Variants in NPDC1 observed in about 807,000 individuals in gnomAD.
The protein encoded by NPDC1 is neural proliferation differentiation and control protein 1.
NPDC1 carries 18 observed loss-of-function variants against 32.5 expected under a neutral mutation model. That is an observed-to-expected ratio of 0.55 (90% CI 0.38 to 0.82). The LOEUF (loss-of-function observed/expected upper bound fraction) is 0.82. Among genes scored for constraint, NPDC1 ranks in the 40% least tolerant of loss-of-function variants. The pLI, the probability that NPDC1 is intolerant of heterozygous loss-of-function variation, is 0.00. For synonymous variants in NPDC1, 210 were observed against 184.7 expected, an observed-to-expected ratio of 1.14 and a Z score of -1.11; for missense variants, 468 against 406.6, an observed-to-expected ratio of 1.15 and a Z score of -1.30.
intron 1 of NPDC1, 136 bp from the exon 2 acceptor site, chr9:137,043,209 C>T (rs1433209501): frequency 4.1e-6 from 4 of 981,652 alleles, no homozygotes; most frequent in Middle Eastern, 2.0e-4. Flanking sequence ...TTGTTCTGGA[C>T]ATGCCCTTCC....
chr9:137,043,557 C>G, intron 1 of NPDC1: 1 of 594,568 alleles, frequency 1.7e-6, no homozygotes, highest in South Asian at 2.1e-5. Flanking sequence ...CCGGCACTGA[C>G]AAGTGTGCAG....
intron 1 of NPDC1, among the ~76,000 whole-genome samples, chr9:137,044,674 G>C (rs1832104697): frequency 6.6e-6 from 1 of 152,234 alleles, no homozygotes; most frequent in Non-Finnish European, 1.5e-5. Context: ...GTTGCCTAGG[G>C]AGGGCCCTGC....
chr9:137,040,138 ACTCAGCCCAC>A (rs1393795326), intron 7 of NPDC1, 71 bp from the exon 8 acceptor site: 6 of 731,134 alleles, frequency 8.2e-6, no homozygotes, highest in Non-Finnish European at 1.5e-5. Flanking sequence ...GGAAGTGGGC[ACTCAGCCCAC>A]CTCAGCCCTG....
chr9:137,045,344 A>G (rs1028793368), intron 1 of NPDC1, among the ~76,000 whole-genome samples: 4 of 152,246 alleles, frequency 2.6e-5, no homozygotes, highest in Admixed American at 6.5e-5. Context: ...AGCCTGCGCC[A>G]TAAGTGCCCC....
At chr9:137,041,041 C>T in intron 3 of NPDC1, 21 bp downstream of exon 3, 9 of 1,518,786 alleles carry the variant, frequency 5.9e-6, no homozygotes, top group Non-Finnish European at 7.9e-6. Context: ...GGCCGTGGGG[C>T]AGGGGAAGCG....
Position 137,039,592 on chromosome 9 carries a change from G to C in NPDC1, c.*180C>G. ...CGAACAGGAGAGGTGCAGGGGACCA[G>C]GAGGTGTCCTGGCACAAAGGTTCGG... On this transcript the variant is annotated 3_prime_UTR_variant, in exon 9 of 9. Transcript: ENST00000371601. The C allele has an allele frequency of 5.1e-6, 3 of 583,480 alleles. No individual in the cohort carries two copies. Among genetic ancestry groups the C allele is most frequent in the South Asian group, 4.3e-5 (2 of 46,712 alleles). The allele number at this position is 583,480 out of a possible 1,614,324, so 36.1% of individuals were successfully genotyped here.
At chr9:137,041,820 C>G (rs1832060632) in intron 2 of NPDC1, among the ~76,000 whole-genome samples, 1 of 152,266 alleles carries the variant, frequency 6.6e-6, no homozygotes, top group South Asian at 2.1e-4. Context: ...CTCACCACAC[C>G]TGAAGTCACT....
Position 137,040,051 on chromosome 9 carries a change from T to C in NPDC1, c.805A>G (p.Lys269Glu). The C allele has an allele frequency of 1.3e-6, 1 of 765,286 alleles. No homozygotes were observed. The highest frequency in any genetic ancestry group is 1.3e-5 in the South Asian group (1 of 74,386). 47.4% of individuals were successfully genotyped at this position (765,286 alleles called of 1,614,324 possible). Residue 269 changes from lysine to glutamate, a missense_variant, in exon 8 of 9, where the codon AAG becomes GAG. Physicochemically the swap from Lys to Glu is moderately conservative, Grantham distance 56. Transcript: ENST00000371601. The part of the protein sequence containing the change: ...LCLERHKEPP[K>E]ELDTASSDEE... The stretch of plus-strand genomic sequence containing the variant: ...TCCGAGGAGGCCGTGTCCAGCTCCT[T>C]GGGTGGCTCTTTATGCCTGGGTGGG...
chr9:137,043,493 GC>G, intron 1 of NPDC1: 1 of 611,432 alleles, frequency 1.6e-6, no homozygotes, highest in Non-Finnish European at 3.0e-6. Flanking sequence ...TCTCTGGGGA[GC>G]AGCAAACGAT....
At position 137,042,923 on chromosome 9, in the gene NPDC1, G is replaced by A. The variant is rs1326932880; in HGVS notation, c.259+4C>T. The A allele has an allele frequency of 8.8e-6, 14 of 1,590,644 alleles. No homozygotes were observed. Among genetic ancestry groups the A allele is most frequent in the South Asian group, 2.2e-5 (2 of 89,594 alleles). Reference sequence around the variant, plus strand: ...CCCATCGACTTCCCCCTTTGCTCTCGTACCTGGAGGCCGGCGCATCCTGGG... The same window carrying A: ...CCCATCGACTTCCCCCTTTGCTCTCATACCTGGAGGCCGGCGCATCCTGGG... On this transcript the variant is annotated splice_donor_region_variant and intron_variant, in intron 2 of 8. Transcript: ENST00000371601.
chr9:137,046,155 C>T lies in NPDC1; in HGVS notation c.-166G>A. ...GGAAGAGGAAAGGCACGGGCGGCGG[C>T]GCTGACGCTGCAGCAAGGATCCGGG... On this transcript the variant is annotated 5_prime_UTR_variant, in exon 1 of 9. Coordinates refer to ENST00000371601, the MANE Select transcript of NPDC1 (RefSeq NM_015392.4). 1 of 1,098,410 alleles carries T rather than the reference C, an allele frequency of 9.1e-7. No homozygotes were observed. The allele number at this position is 1,098,410 out of a possible 1,614,324, so 68.0% of individuals were successfully genotyped here. A position where few individuals can be genotyped will look rare whatever the true frequency, so the allele number is the denominator to read the frequency against.
chr9:137,041,145 A>T lies in NPDC1; in HGVS notation c.302T>A (p.Phe101Tyr). ...PQPRLEDEID[F>Y]LAQELARKES... Reference sequence around the variant, plus strand: ...CTTCCGGGCAAGCTCCTGGGCCAGGAAGTCAATCTCATCTTCCAGTCTGGG... The same window carrying T: ...CTTCCGGGCAAGCTCCTGGGCCAGGTAGTCAATCTCATCTTCCAGTCTGGG... Residue 101 changes from phenylalanine to tyrosine, a missense_variant, in exon 3 of 9, where the codon TTC becomes TAC. Transcript: ENST00000371601. The T allele has an allele frequency of 6.7e-7, 1 of 1,495,258 alleles. No individual in the cohort carries two copies. The highest frequency in any genetic ancestry group is 8.9e-7 in the Non-Finnish European group (1 of 1,123,448). 92.6% of individuals were successfully genotyped at this position (1,495,258 alleles called of 1,614,324 possible). A position where few individuals can be genotyped will look rare whatever the true frequency, so the allele number is the denominator to read the frequency against.
chr9:137,041,583 C>T (rs1020572551), intron 2 of NPDC1, among the ~76,000 whole-genome samples: 3 of 152,158 alleles, frequency 2.0e-5, no homozygotes, highest in Non-Finnish European at 4.4e-5. Context: ...GCCAAGCACC[C>T]GGGACCCCTC....
Position 137,040,687 on chromosome 9 carries a change from A to G in NPDC1, c.607T>C (p.Ser203Pro). 6.3e-7 allele frequency: 1 copy of G among 1,583,554 alleles called. No homozygotes were observed. The highest frequency in any genetic ancestry group is 8.5e-7 in the Non-Finnish European group (1 of 1,170,284). ...VAGAAALSVA[S>P]LCWCRLQREI... ...CTGGCTCACCTGCACCAGCAGAGGG[A>G]GGCTACGGAGAGGGCGGCTGCACCG... The change falls in exon 5 of 9, where the codon TCC (serine) becomes CCC (proline). Residue 203 changes from serine to proline, a missense_variant. Ser to Pro is a moderately conservative substitution (Grantham distance 74, BLOSUM62 -1). Coordinates refer to ENST00000371601, the MANE Select transcript of NPDC1 (RefSeq NM_015392.4).
At position 137,040,868 on chromosome 9, in the gene NPDC1, C is replaced by T; in HGVS notation, c.502G>A (p.Val168Met). The change falls in exon 4 of 9, where the codon GTG becomes ATG. Residue 168 changes from valine to methionine, a missense_variant. Physicochemically the swap from Val to Met is conservative, Grantham distance 21. Transcript: ENST00000371601. The part of the protein sequence containing the change: ...SLGSPVSSDP[V>M]HMSPLEPRGG... Reference sequence around the variant, plus strand: ...CGGGGCTCCAGGGGCGACATGTGCACCGGGTCGGATGACACAGGGGAGCCC... The same window carrying T: ...CGGGGCTCCAGGGGCGACATGTGCATCGGGTCGGATGACACAGGGGAGCCC... The T allele has an allele frequency of 1.3e-6, 2 of 1,599,410 alleles. No homozygotes were observed. The highest frequency in any genetic ancestry group is 1.7e-6 in the Non-Finnish European group (2 of 1,176,018).
intron 7 of NPDC1, 62 bp downstream of exon 7, chr9:137,040,295 G>C: frequency 6.9e-7 from 1 of 1,446,840 alleles, no homozygotes; most frequent in Non-Finnish European, 9.3e-7. Flanking sequence ...GGTGGAAATG[G>C]AGGTGGAGGT....
chr9:137,041,079 T>G lies in NPDC1; in HGVS notation c.368A>C (p.Gln123Pro). Residue 123 changes from glutamine to proline, a missense_variant, in exon 3 of 9, where the codon CAG becomes CCG. Transcript: ENST00000371601. ...GGTCTCACCAGGCTCCGGGAGCCGC[T>G]GTCGGTCCTTGGGTAGGGGCGGAGT... The part of the protein sequence containing the change: ...HSTPPLPKDR[Q>P]RLPEPATLGF... 1.3e-6 allele frequency: 2 copies of G among 1,526,080 alleles called. No homozygotes were observed. Among genetic ancestry groups the G allele is most frequent in the Non-Finnish European group, 1.8e-6 (2 of 1,138,900 alleles). 94.5% of individuals were successfully genotyped at this position (1,526,080 alleles called of 1,614,324 possible).
At position 137,041,078 on chromosome 9, in the gene NPDC1, C is replaced by T; in HGVS notation, c.369G>A (p.Gln123=). 6.6e-7 allele frequency: 1 copy of T among 1,525,848 alleles called. No individual in the cohort carries two copies. The highest frequency in any genetic ancestry group is 1.3e-5 in the South Asian group (1 of 76,680). The allele number at this position is 1,525,848 out of a possible 1,614,324, so 94.5% of individuals were successfully genotyped here. A position where few individuals can be genotyped will look rare whatever the true frequency, so the allele number is the denominator to read the frequency against. Residue 123 remains glutamine (Q), a synonymous_variant, in exon 3 of 9, where the codon CAG becomes CAA. Coordinates refer to ENST00000371601, the MANE Select transcript of NPDC1 (RefSeq NM_015392.4). ...HSTPPLPKDR[Q]RLPEPATLGF... ...GGGTCTCACCAGGCTCCGGGAGCCG[C>T]TGTCGGTCCTTGGGTAGGGGCGGAG...
At position 137,046,141 on chromosome 9, in the gene NPDC1, G is replaced by A. The variant is rs1832126931; in HGVS notation, c.-152C>T. 9.1e-7 allele frequency: 1 copy of A among 1,097,346 alleles called. No homozygotes were observed. Among genetic ancestry groups the A allele is most frequent in the Non-Finnish European group, 1.1e-6 (1 of 901,152 alleles). The allele number at this position is 1,097,346 out of a possible 1,614,324, so 68.0% of individuals were successfully genotyped here. A position where few individuals can be genotyped will look rare whatever the true frequency, so the allele number is the denominator to read the frequency against. On this transcript the variant is annotated 5_prime_UTR_variant, in exon 1 of 9. Transcript: ENST00000371601. ...AAGGAGGAGGAGGAGGAAGAGGAAA[G>A]GCACGGGCGGCGGCGCTGACGCTGC... is the stretch of plus-strand genomic sequence containing the variant.
Sources: gnomAD v4.1 joint callset for allele counts (sites outside exome capture counted in the v4.1 genomes callset) on GRCh38, gnomAD v4.1.1 for gene constraint, MANE v1.5 for transcripts, NCBI Gene and HGNC (gene_info 2026-07-23, HGNC 2026-07-21) for gene names.